Variants in MCU observed in about 807,000 individuals in gnomAD.
The protein encoded by MCU is mitochondrial calcium uniporter.
In MCU, 12 loss-of-function variants were observed where a neutral mutation model predicts 45.2. The observed-to-expected ratio is 0.27, with a 90% CI of 0.17 to 0.43. The LOEUF is 0.43. Among genes scored for constraint, MCU ranks in the 20% least tolerant of loss-of-function variants. The pLI, the probability that MCU is intolerant of heterozygous loss-of-function variation, is 1.00. For synonymous variants in MCU, 160 were observed against 165.1 expected, an observed-to-expected ratio of 0.97 and a Z score of 0.24; for missense variants, 324 against 436.7, an observed-to-expected ratio of 0.74 and a Z score of 2.30.
At chr10:72,731,705 A>G (rs1371004652) in intron 1 of MCU, among the ~76,000 whole-genome samples, 1 of 152,188 alleles carries the variant, frequency 6.6e-6, no homozygotes, top group African/African-American at 2.4e-5. Context: ...GAATGGAATC[A>G]TATAATACAT....
At chr10:72,835,242 C>T (rs957723104) in intron 2 of MCU, among the ~76,000 whole-genome samples, 5 of 152,212 alleles carry the variant, frequency 3.3e-5, no homozygotes, top group African/African-American at 1.2e-4. Context: ...ATGCTATAAA[C>T]TGGCGACAGG....
intron 2 of MCU, among the ~76,000 whole-genome samples, chr10:72,852,485 A>G (rs1455740673): frequency 6.6e-6 from 1 of 152,238 alleles, no homozygotes; most frequent in Non-Finnish European, 1.5e-5. Flanking sequence ...GCTATAAACA[A>G]CTAGAACACC....
chr10:72,820,301 C>T (rs1460990785), intron 1 of MCU, among the ~76,000 whole-genome samples: 1 of 152,080 alleles, frequency 6.6e-6, no homozygotes, highest in Non-Finnish European at 1.5e-5. Context: ...AATAATTTTT[C>T]TCATTCTCCT....
At chr10:72,790,751 C>T (rs754554148) in intron 1 of MCU, among the ~76,000 whole-genome samples, 5 of 152,112 alleles carry the variant, frequency 3.3e-5, no homozygotes, top group Admixed American at 6.6e-5. Context: ...CGCTTTATGC[C>T]ACTATGCTCA....
intron 1 of MCU, among the ~76,000 whole-genome samples, chr10:72,738,404 C>A (rs898203695): frequency 1.3e-5 from 2 of 152,162 alleles, no homozygotes; most frequent in Admixed American, 1.3e-4. Context: ...AGAAAAGACT[C>A]TTTTCCTCTG....
intron 1 of MCU, among the ~76,000 whole-genome samples, chr10:72,806,630 G>A (rs1319664620): frequency 1.3e-5 from 2 of 152,242 alleles, no homozygotes; most frequent in Admixed American, 1.3e-4. Context: ...TAGGCAGCGG[G>A]GAAGAGGGTG....
In MCU at chr10:72,733,869, G is replaced by A. The variant is rs1228115045; in HGVS notation, c.150+41568G>A. Among the ~76,000 whole-genome samples the A allele has an allele frequency of 2.6e-5, 4 of 151,478 alleles. No individual in the cohort carries two copies. The East Asian group carries it at 7.7e-4, about 29-fold the overall frequency. On this transcript the variant is annotated intron_variant, in intron 1 of 7. Transcript: ENST00000373053. ...AAAGAATTAACTTTTTATTATGATGGTACAATATGCTTATTGGAGAAAATT... is the reference window on the plus strand; with the variant it reads ...AAAGAATTAACTTTTTATTATGATGATACAATATGCTTATTGGAGAAAATT...
At chr10:72,780,735 G>A (rs1241206853) in intron 1 of MCU, among the ~76,000 whole-genome samples, 2 of 152,124 alleles carry the variant, frequency 1.3e-5, no homozygotes, top group East Asian at 3.9e-4. Context: ...AGCAAGGAAA[G>A]ACTTGGAAGA....
intron 1 of MCU, among the ~76,000 whole-genome samples, chr10:72,778,202 AT>A (rs942077324): frequency 2.0e-5 from 3 of 152,184 alleles, no homozygotes; most frequent in African/African-American, 7.2e-5. Context: ...GATAATCAAT[AT>A]TTTTAAGGGT....
At chr10:72,824,591 T>C (rs1214501552) in intron 1 of MCU, among the ~76,000 whole-genome samples, 1 of 152,214 alleles carries the variant, frequency 6.6e-6, no homozygotes, top group Non-Finnish European at 1.5e-5. Flanking sequence ...GTTTATTTTA[T>C]TTGTAATTAG....
chr10:72,856,804 A>G (rs889710950), intron 2 of MCU, among the ~76,000 whole-genome samples: 12 of 16,892 alleles, frequency 7.1e-4, no homozygotes, highest in African/African-American at 2.7e-3. Flanking sequence ...ATAGCCTGGC[A>G]TGGTGGTGCA....
intron 1 of MCU, among the ~76,000 whole-genome samples, chr10:72,698,410 C>T (rs1842716142): frequency 6.6e-6 from 1 of 152,192 alleles, no homozygotes; most frequent in Non-Finnish European, 1.5e-5. Context: ...TTTAGCTTTG[C>T]ATCCCTATAG....
intron 1 of MCU, chr10:72,692,798 C>T: frequency 7.8e-6 from 11 of 1,412,962 alleles, no homozygotes; most frequent in Non-Finnish European, 1.0e-5. Context: ...CCCAGGACCC[C>T]GGCGGGGCCG....
chr10:72,700,976 A>C (rs537358951), intron 1 of MCU, among the ~76,000 whole-genome samples: 3 of 152,276 alleles, frequency 2.0e-5, no homozygotes, highest in African/African-American at 7.2e-5. Flanking sequence ...AGAAATGTAC[A>C]GTCCTGAAGT....
intron 1 of MCU, among the ~76,000 whole-genome samples, chr10:72,710,525 G>A (rs1216198895): frequency 6.8e-6 from 1 of 146,908 alleles, no homozygotes; most frequent in African/African-American, 2.5e-5. Flanking sequence ...ACTTGGAAAG[G>A]CCATTCCATC....
intron 1 of MCU, among the ~76,000 whole-genome samples, chr10:72,724,769 G>A (rs1843073694): frequency 6.6e-6 from 1 of 152,114 alleles, no homozygotes. Flanking sequence ...TCTCTTATTA[G>A]ATCAGCTTCA....
chr10:72,805,731 TA>T (rs1844438288), intron 1 of MCU, among the ~76,000 whole-genome samples: 1 of 152,210 alleles, frequency 6.6e-6, no homozygotes, highest in African/African-American at 2.4e-5. Context: ...TTTACCCATC[TA>T]ATAAATATTT....
chr10:72,814,428 A>G (rs1589475788), intron 1 of MCU, among the ~76,000 whole-genome samples: 1 of 152,230 alleles, frequency 6.6e-6, no homozygotes, highest in South Asian at 2.1e-4. Context: ...ATTAAAACCT[A>G]TCAAGCCTAT....
At chr10:72,773,628 G>A (rs1032367591) in intron 1 of MCU, among the ~76,000 whole-genome samples, 26 of 152,136 alleles carry the variant, frequency 1.7e-4, no homozygotes, top group African/African-American at 6.0e-4. Context: ...TCCAGGCACA[G>A]GAAAGTCTGT....
Sources: gnomAD v4.1 joint callset for allele counts (sites outside exome capture counted in the v4.1 genomes callset) on GRCh38, gnomAD v4.1.1 for gene constraint, MANE v1.5 for transcripts, NCBI Gene and HGNC (gene_info 2026-07-23, HGNC 2026-07-21) for gene names.